Variants in STIMATE observed in about 807,000 individuals in gnomAD.
STIMATE encodes the protein store-operated calcium entry regulator STIMATE.
In STIMATE, 15 loss-of-function variants were observed where a neutral mutation model predicts 36.7. The observed-to-expected ratio is 0.41, with a 90% CI of 0.27 to 0.63. The LOEUF (loss-of-function observed/expected upper bound fraction) is 0.63, where lower values mean the gene tolerates loss of function less well. Among genes scored for constraint, STIMATE ranks in the 20% least tolerant of loss-of-function variants. The pLI is 0.32. For missense variants in STIMATE, 305 were observed against 397.3 expected (o/e 0.77, Z 1.98); for synonymous variants, 163 against 162.3 (o/e 1.00, Z -0.03).
At chr3:52,845,730 G>T (rs953638651) in intron 4 of STIMATE, among the ~76,000 whole-genome samples, 30 of 152,180 alleles carry the variant, frequency 2.0e-4, no homozygotes, top group African/African-American at 7.0e-4. Flanking sequence ...TTTGAACGGA[G>T]AGAAGACCAG....
intron 4 of STIMATE, chr3:52,847,451 C>G: frequency 2.3e-6 from 3 of 1,288,996 alleles, no homozygotes; most frequent in Non-Finnish European, 3.0e-6. Context: ...AATCAGAGTG[C>G]AGACACCATG....
At chr3:52,844,092 G>A (rs1273000298) in intron 5 of STIMATE, among the ~76,000 whole-genome samples, 2 of 152,216 alleles carry the variant, frequency 1.3e-5, no homozygotes, top group Admixed American at 6.5e-5. Flanking sequence ...CCCACCGGGA[G>A]AGTGGAGTGT....
chr3:52,870,352 C>T (rs1399729054), intron 1 of STIMATE, among the ~76,000 whole-genome samples: 3 of 152,020 alleles, frequency 2.0e-5, no homozygotes, highest in Non-Finnish European at 4.4e-5. Flanking sequence ...AAAACAACCA[C>T]GATCACTGGT....
chr3:52,870,620 G>A (rs987930778), intron 1 of STIMATE, among the ~76,000 whole-genome samples: 3 of 152,082 alleles, frequency 2.0e-5, no homozygotes, highest in South Asian at 2.1e-4. Flanking sequence ...GACTCCACGC[G>A]AAGTGAATGC....
At chr3:52,856,069 G>A (rs991553235) in intron 1 of STIMATE, among the ~76,000 whole-genome samples, 1 of 152,218 alleles carries the variant, frequency 6.6e-6, no homozygotes, top group African/African-American at 2.4e-5. Flanking sequence ...GCCAAGCCCT[G>A]AAGGCTGGGT....
intron 2 of STIMATE, among the ~76,000 whole-genome samples, chr3:52,854,278 G>C (rs75530139): frequency 0.016 from 2,394 of 152,246 alleles, 71 homozygotes; most frequent in African/African-American, 0.055. Context: ...GGAAGTCTTA[G>C]TGGGCTCCTA....
At chr3:52,842,243 G>A (rs183076865) in intron 7 of STIMATE, among the ~76,000 whole-genome samples, 6 of 152,288 alleles carry the variant, frequency 3.9e-5, no homozygotes, top group African/African-American at 7.2e-5. Flanking sequence ...TGAGTGCTGC[G>A]GGGCCGCCAG....
intron 1 of STIMATE, among the ~76,000 whole-genome samples, chr3:52,890,268 G>A (rs1187670639): frequency 6.6e-6 from 1 of 152,222 alleles, no homozygotes; most frequent in Non-Finnish European, 1.5e-5. Flanking sequence ...CCAATAGCGG[G>A]CTTGGCACCA....
At chr3:52,875,109 T>G (rs1164194276) in intron 1 of STIMATE, among the ~76,000 whole-genome samples, 4 of 152,216 alleles carry the variant, frequency 2.6e-5, no homozygotes, top group African/African-American at 9.6e-5. Context: ...GGGAGGTCCC[T>G]GTGCTCCTGT....
intron 4 of STIMATE, among the ~76,000 whole-genome samples, chr3:52,847,801 T>C (rs563952696): frequency 8.6e-5 from 13 of 151,500 alleles, no homozygotes; most frequent in Non-Finnish European, 1.6e-4. Flanking sequence ...ACAGGGAGAG[T>C]GTTCTGAGTG....
chr3:52,887,828 A>G (rs1037804602), intron 1 of STIMATE, among the ~76,000 whole-genome samples: 5 of 152,154 alleles, frequency 3.3e-5, no homozygotes, highest in African/African-American at 1.2e-4. Context: ...TCATGGTGAC[A>G]CTATGGCATG....
chr3:52,855,494 C>T lies in STIMATE; in HGVS notation c.161-50G>A, dbSNP rs376240653. The T allele has an allele frequency of 1.4e-5, 22 of 1,612,454 alleles. No individual in the cohort carries two copies. The African/African-American group carries it at 2.5e-4, about 19-fold the overall frequency. ...AGTTTTCCAAAGAAGTTACATAAAG[C>T]AAGATGCACATAACAAGCTGGGTTA... is the stretch of plus-strand genomic sequence containing the variant. On this transcript the variant is annotated intron_variant, in intron 1 of 7. Coordinates refer to ENST00000355083, the MANE Select transcript of STIMATE (RefSeq NM_198563.5).
chr3:52,880,490 A>G (rs947926425), intron 1 of STIMATE, among the ~76,000 whole-genome samples: 4 of 152,238 alleles, frequency 2.6e-5, no homozygotes, highest in African/African-American at 7.2e-5. Flanking sequence ...GTCTCAGCAC[A>G]TTCTAGGGAC....
At chr3:52,888,915 G>A (rs1701736893) in intron 1 of STIMATE, among the ~76,000 whole-genome samples, 1 of 152,094 alleles carries the variant, frequency 6.6e-6, no homozygotes, top group Non-Finnish European at 1.5e-5. Context: ...AAAAACACTG[G>A]TTGGGTATCC....
intron 1 of STIMATE, among the ~76,000 whole-genome samples, chr3:52,891,114 A>T (rs1257320054): frequency 6.6e-6 from 1 of 152,230 alleles, no homozygotes; most frequent in Non-Finnish European, 1.5e-5. Flanking sequence ...CAAGAAAGAA[A>T]ATCAGAATTG....
chr3:52,849,965 G>A lies in STIMATE; in HGVS notation c.306-52C>T, dbSNP rs200006343. ...CACGGCAGAAGCCACGGGGCCAGAG[G>A]TCATGGCTGATGCAGGGTGGCCTGA... On this transcript the variant is annotated intron_variant, in intron 3 of 7. Coordinates refer to ENST00000355083, the MANE Select transcript of STIMATE (RefSeq NM_198563.5). 4.5e-3 allele frequency: 7,082 copies of A among 1,582,064 alleles called. 23 individuals are homozygous for A. The highest frequency in any genetic ancestry group is 5.6e-3 in the Non-Finnish European group (6,528 of 1,159,656).
intron 3 of STIMATE, among the ~76,000 whole-genome samples, chr3:52,851,554 C>T (rs143835121): frequency 6.6e-6 from 1 of 152,244 alleles, no homozygotes; most frequent in Admixed American, 6.5e-5. Context: ...CCTGCCTGCC[C>T]TTCCTCTGTA....
chr3:52,878,494 G>C (rs1035571719), intron 1 of STIMATE, among the ~76,000 whole-genome samples: 1 of 152,062 alleles, frequency 6.6e-6, no homozygotes, highest in Non-Finnish European at 1.5e-5. Context: ...GGTCCCGGCT[G>C]TACCACCTCT....
Position 52,861,997 on chromosome 3 carries a change from C to T in STIMATE, c.161-6553G>A, listed in dbSNP as rs1028983923. ...AGTTCCCCTCTCAGGGCTCCTATGC[C>T]GAGGGCTTGCCAGCCTCTCCCTCCA... On this transcript the variant is annotated intron_variant, in intron 1 of 7. Transcript: ENST00000355083. 2.0e-5 allele frequency among the ~76,000 whole-genome samples: 3 copies of T among 152,282 alleles called. No individual in the cohort carries two copies. The East Asian group carries it at 5.8e-4, about 29-fold the overall frequency.
Sources: gnomAD v4.1 joint callset for allele counts (sites outside exome capture counted in the v4.1 genomes callset) on GRCh38, gnomAD v4.1.1 for gene constraint, MANE v1.5 for transcripts, NCBI Gene and HGNC (gene_info 2026-07-23, HGNC 2026-07-21) for gene names.